DOCK9: variants seen among roughly 807,000 people sequenced by gnomAD.
DOCK9 encodes dedicator of cytokinesis protein 9.
Under a neutral mutation model 263.3 loss-of-function variants are expected in DOCK9, and 89 were observed. The ratio of observed to expected loss-of-function variants is 0.34; its 90% CI spans 0.28 to 0.40. The LOEUF (loss-of-function observed/expected upper bound fraction) is 0.40, where lower values mean the gene tolerates loss of function less well. Ranked by LOEUF, DOCK9 falls within the 10% of genes least tolerant of loss-of-function variation. DOCK9 has a pLI of 1.00. For synonymous variants in DOCK9, 976 were observed against 973.1 expected (o/e 1.00, Z -0.06); for missense variants, 2,140 against 2,603.4 (o/e 0.82, Z 3.87).
intron 48 of DOCK9, among the ~76,000 whole-genome samples, chr13:98,806,002 C>T (rs186891057): frequency 3.7e-4 from 56 of 152,254 alleles, no homozygotes; most frequent in African/African-American, 7.5e-4. Flanking sequence ...TCAGGTGATC[C>T]GCCCGCCTTG....
At chr13:98,988,687 A>G (rs1379838441) in intron 1 of DOCK9, among the ~76,000 whole-genome samples, 1 of 152,238 alleles carries the variant, frequency 6.6e-6, no homozygotes, top group Non-Finnish European at 1.5e-5. Context: ...CTTCTTTAGA[A>G]GATAAGTAAT....
At chr13:98,931,547 C>T (rs1218027278) in intron 2 of DOCK9, among the ~76,000 whole-genome samples, 2 of 152,058 alleles carry the variant, frequency 1.3e-5, no homozygotes, top group African/African-American at 4.8e-5. Context: ...ATCTGCCCAC[C>T]TCGGCCTCCC....
At chr13:98,847,285 A>G (rs1242768494) in intron 37 of DOCK9, 1 of 152,448 alleles carries the variant, frequency 6.6e-6, no homozygotes, top group African/African-American at 2.4e-5. Context: ...GACAGAATTT[A>G]CTGTTTGCCC....
chr13:99,081,267 C>T (rs1246193701), intron 1 of DOCK9, among the ~76,000 whole-genome samples: 3 of 152,180 alleles, frequency 2.0e-5, no homozygotes, highest in Non-Finnish European at 1.5e-5. Flanking sequence ...ACGTTACCTC[C>T]GACAGCACTG....
upstream of DOCK9, among the ~76,000 whole-genome samples, chr13:99,086,894 G>A (rs2042360821): frequency 6.6e-6 from 1 of 151,880 alleles, no homozygotes; most frequent in Admixed American, 6.6e-5. Context: ...CACGTCCGAA[G>A]ACCGGAGGAG....
chr13:98,896,557 T>C (rs1294840535), intron 15 of DOCK9, among the ~76,000 whole-genome samples: 3 of 152,044 alleles, frequency 2.0e-5, no homozygotes, highest in Admixed American at 2.0e-4. Context: ...GCTATTCTTT[T>C]CACTTCACAT....
chr13:98,986,996 A>G (rs994580741), intron 1 of DOCK9, among the ~76,000 whole-genome samples: 6 of 152,238 alleles, frequency 3.9e-5, no homozygotes, highest in African/African-American at 1.2e-4. Flanking sequence ...TATAACTTAG[A>G]AGTAATCTTA....
intron 1 of DOCK9, among the ~76,000 whole-genome samples, chr13:99,030,692 A>G (rs1218651662): frequency 6.6e-6 from 1 of 152,250 alleles, no homozygotes; most frequent in African/African-American, 2.4e-5. Context: ...ATGCCTCATT[A>G]TAAAACCACA....
chr13:98,940,210 CAT>C (rs954166521), intron 2 of DOCK9, among the ~76,000 whole-genome samples: 6 of 152,168 alleles, frequency 3.9e-5, no homozygotes, highest in African/African-American at 1.4e-4. Context: ...GTTCTATTAA[CAT>C]CAGACAAATT....
At chr13:98,806,017 C>G (rs996597381) in intron 48 of DOCK9, among the ~76,000 whole-genome samples, 7 of 152,156 alleles carry the variant, frequency 4.6e-5, no homozygotes, top group Admixed American at 2.0e-4. Flanking sequence ...GCCTTGGCCT[C>G]CCAAAGTGCT....
chr13:98,862,925 C>A, intron 32 of DOCK9, 94 bp downstream of exon 32: 1 of 1,043,484 alleles, frequency 9.6e-7, no homozygotes. Flanking sequence ...AGAGAATAAA[C>A]TGCTGCTGCT....
intron 1 of DOCK9, among the ~76,000 whole-genome samples, chr13:99,037,057 T>C (rs1887966189): frequency 1.3e-5 from 2 of 152,016 alleles, no homozygotes; most frequent in Non-Finnish European, 2.9e-5. Flanking sequence ...ACAGTATTTT[T>C]TAAAAAGACA....
intron 2 of DOCK9, among the ~76,000 whole-genome samples, chr13:98,937,048 G>A (rs1291714146): frequency 6.6e-6 from 1 of 152,114 alleles, no homozygotes; most frequent in Non-Finnish European, 1.5e-5. Flanking sequence ...TCATATTTCT[G>A]CTAAAAGATA....
At chr13:98,873,706 G>C (rs1342879549) in intron 27 of DOCK9, among the ~76,000 whole-genome samples, 1 of 152,250 alleles carries the variant, frequency 6.6e-6, no homozygotes, top group African/African-American at 2.4e-5. Flanking sequence ...GGGCAAACAA[G>C]ATGGAGGCCT....
intron 1 of DOCK9, among the ~76,000 whole-genome samples, chr13:99,073,632 G>A (rs375668275): frequency 3.9e-5 from 6 of 152,196 alleles, no homozygotes; most frequent in African/African-American, 1.2e-4. Flanking sequence ...GAAAAGGGCA[G>A]TCCTGATCAT....
At chr13:98,835,279 T>C (rs1020042479) in intron 39 of DOCK9, among the ~76,000 whole-genome samples, 3 of 152,338 alleles carry the variant, frequency 2.0e-5, no homozygotes, top group African/African-American at 7.2e-5. Flanking sequence ...TCACTCACTG[T>C]TATATCTCTT....
At position 98,860,454 on chromosome 13, in the gene DOCK9, G is replaced by T. The variant is rs756154589; in HGVS notation, c.3648C>A (p.Thr1216=). ...NPLVTPQKGS[T]LDNSLHKDLL... is the part of the protein sequence containing the mutation. ...GGTCCTTGTGCAGGCTGTTGTCCAG[G>T]GTGCTTCCCTTCTGCGGCGTCACCA... Residue 1216 remains threonine, a synonymous_variant, in exon 33 of 53, where the codon ACC becomes ACA. Coordinates refer to ENST00000682017, the MANE Select transcript of DOCK9 (RefSeq NM_001366683.2). The T allele has an allele frequency of 6.3e-7, 1 of 1,593,872 alleles. No homozygotes were observed. The highest frequency in any genetic ancestry group is 8.6e-7 in the Non-Finnish European group (1 of 1,169,368).
chr13:98,974,539 C>T (rs1443809002), intron 1 of DOCK9, among the ~76,000 whole-genome samples: 1 of 152,060 alleles, frequency 6.6e-6, no homozygotes, highest in Non-Finnish European at 1.5e-5. Context: ...CACCTGGGGT[C>T]AGGAGTTCGA....
intron 7 of DOCK9, among the ~76,000 whole-genome samples, chr13:98,916,536 C>T (rs2050919864): frequency 6.6e-6 from 1 of 152,158 alleles, no homozygotes; most frequent in African/African-American, 2.4e-5. Flanking sequence ...GGCAACCCTC[C>T]CAAAAGTCTC....
Sources: gnomAD v4.1 joint callset for allele counts (sites outside exome capture counted in the v4.1 genomes callset) on GRCh38, gnomAD v4.1.1 for gene constraint, MANE v1.5 for transcripts, NCBI Gene and HGNC (gene_info 2026-07-23, HGNC 2026-07-21) for gene names.